GABRB1: variants seen among roughly 807,000 people sequenced by gnomAD.
GABRB1 encodes gamma-aminobutyric acid type A receptor subunit beta1, also known as gamma-aminobutyric acid receptor subunit beta-1.
GABRB1 carries 17 observed loss-of-function variants against 51.6 expected under a neutral mutation model. That is an observed-to-expected ratio of 0.33 (90% CI 0.23 to 0.49). GABRB1 has a LOEUF of 0.49. Ranked by LOEUF, GABRB1 falls within the 20% of genes least tolerant of loss-of-function variation. The probability of loss-of-function intolerance (pLI) is 0.99; values close to 1 mark genes in which losing one functional copy is unlikely to be tolerated. For synonymous variants in GABRB1, 247 were observed against 218.9 expected (o/e 1.13, Z -1.14); for missense variants, 410 against 600.6 (o/e 0.68, Z 3.32).
intron 1 of GABRB1, among the ~76,000 whole-genome samples, chr4:47,008,012 G>A (rs1393344374): frequency 1.3e-5 from 2 of 151,862 alleles, no homozygotes; most frequent in Non-Finnish European, 2.9e-5. Flanking sequence ...AGACAGGCAC[G>A]ACAATTTGCC....
At chr4:47,049,866 G>A (rs979582021) in intron 3 of GABRB1, among the ~76,000 whole-genome samples, 2 of 152,132 alleles carry the variant, frequency 1.3e-5, no homozygotes, top group Non-Finnish European at 2.9e-5. Context: ...CTTCAAAAAC[G>A]CAGAGGTAGG....
At chr4:47,157,392 T>G (rs1560563076) in intron 3 of GABRB1, among the ~76,000 whole-genome samples, 1 of 152,126 alleles carries the variant, frequency 6.6e-6, no homozygotes, top group Non-Finnish European at 1.5e-5. Flanking sequence ...TACAGCAATT[T>G]AGAGGCTTTC....
intron 5 of GABRB1, among the ~76,000 whole-genome samples, chr4:47,360,303 CTG>C (rs932391550): frequency 1.3e-5 from 2 of 151,502 alleles, no homozygotes; most frequent in African/African-American, 4.8e-5. Context: ...TAAGAAATAA[CTG>C]TATTTTTGCC....
chr4:47,008,185 G>A (rs1724468068), intron 1 of GABRB1, among the ~76,000 whole-genome samples: 1 of 152,072 alleles, frequency 6.6e-6, no homozygotes, highest in Non-Finnish European at 1.5e-5. Flanking sequence ...ACATGCTTGA[G>A]TGTTGTCATT....
intron 3 of GABRB1, among the ~76,000 whole-genome samples, chr4:47,055,532 G>C (rs746878272): frequency 6.6e-6 from 1 of 152,086 alleles, no homozygotes; most frequent in Non-Finnish European, 1.5e-5. Context: ...TACATTCCCC[G>C]AACAGAATGA....
rs556267733 is a variant in GABRB1 at position 47,120,723 on chromosome 4, C to A, written c.241-40526C>A. The stretch of plus-strand genomic sequence containing the variant: ...CATGCCAGGGCTAGGTCCTTCCTCT[C>A]AAGGCAGCAGGTTCCCTTCTGACCA... On this transcript the variant is annotated intron_variant, in intron 3 of 8. Coordinates refer to ENST00000295454, the MANE Select transcript of GABRB1 (RefSeq NM_000812.4). Among the ~76,000 whole-genome samples the A allele has an allele frequency of 8.5e-5, 13 of 152,264 alleles. No individual in the cohort carries two copies. In the East Asian group the frequency reaches 2.5e-3, roughly 29 times the overall value.
At chr4:47,318,497 C>T (rs1253520012) in intron 4 of GABRB1, among the ~76,000 whole-genome samples, 2 of 152,000 alleles carry the variant, frequency 1.3e-5, no homozygotes, top group East Asian at 3.8e-4. Flanking sequence ...CCTCACACTT[C>T]CCACTATTAG....
chr4:47,245,891 T>C (rs760163866), intron 4 of GABRB1, among the ~76,000 whole-genome samples: 3 of 151,442 alleles, frequency 2.0e-5, no homozygotes, highest in Non-Finnish European at 4.4e-5. Context: ...GGGAAACTAT[T>C]TTTTCCCTTT....
At chr4:47,376,868 G>A (rs559226110) in intron 5 of GABRB1, among the ~76,000 whole-genome samples, 1 of 152,162 alleles carries the variant, frequency 6.6e-6, no homozygotes, top group Non-Finnish European at 1.5e-5. Context: ...GGATTTATTA[G>A]AATACAAACA....
intron 3 of GABRB1, among the ~76,000 whole-genome samples, chr4:47,133,377 T>G (rs1716506895): frequency 6.6e-6 from 1 of 152,184 alleles, no homozygotes; most frequent in African/African-American, 2.4e-5. Context: ...TCTAAATAAT[T>G]AATAAAGGGT....
intron 5 of GABRB1, among the ~76,000 whole-genome samples, chr4:47,352,310 G>T (rs1411534303): frequency 2.0e-5 from 3 of 152,150 alleles, no homozygotes; most frequent in Non-Finnish European, 2.9e-5. Flanking sequence ...GGACCAGATG[G>T]ATTCACAGCC....
intron 1 of GABRB1, among the ~76,000 whole-genome samples, chr4:47,019,265 T>G (rs563916096): frequency 5.9e-5 from 9 of 152,204 alleles, no homozygotes; most frequent in Non-Finnish European, 1.2e-4. Context: ...CACTTCATTC[T>G]TCTGGTTTTC....
chr4:47,280,821 T>TC (rs1274940386), intron 4 of GABRB1, among the ~76,000 whole-genome samples: 1 of 149,490 alleles, frequency 6.7e-6, no homozygotes, highest in Non-Finnish European at 1.5e-5. Flanking sequence ...CTAATTTTTT[T>TC]TTTTTTTTTT....
intron 4 of GABRB1, among the ~76,000 whole-genome samples, chr4:47,222,196 A>G (rs544221813): frequency 6.6e-6 from 1 of 152,280 alleles, no homozygotes; most frequent in South Asian, 2.1e-4. Flanking sequence ...TGCTCTGCAC[A>G]TGTCAGTGAC....
At chr4:47,393,583 C>T (rs1176568971) in intron 5 of GABRB1, among the ~76,000 whole-genome samples, 1 of 152,112 alleles carries the variant, frequency 6.6e-6, no homozygotes, top group Non-Finnish European at 1.5e-5. Context: ...TTCAACTTTG[C>T]CAAAGTTCAG....
chr4:47,414,858 A>C (rs1307659265), intron 8 of GABRB1, among the ~76,000 whole-genome samples: 1 of 152,182 alleles, frequency 6.6e-6, no homozygotes, highest in Non-Finnish European at 1.5e-5. Flanking sequence ...CTTTAGGTCC[A>C]GCTTGAAACA....
chr4:47,119,933 GA>G (rs1715693315), intron 3 of GABRB1, among the ~76,000 whole-genome samples: 1 of 151,988 alleles, frequency 6.6e-6, no homozygotes, highest in South Asian at 2.1e-4. Flanking sequence ...ATAAGCTTCT[GA>G]AAAGAGGTTT....
At chr4:47,410,313 T>C (rs1046594727) in intron 8 of GABRB1, among the ~76,000 whole-genome samples, 3 of 152,188 alleles carry the variant, frequency 2.0e-5, no homozygotes, top group Non-Finnish European at 4.4e-5. Context: ...AATCCTCCTA[T>C]TGATAGAAAT....
intron 3 of GABRB1, among the ~76,000 whole-genome samples, chr4:47,116,220 T>C (rs1258159908): frequency 6.6e-6 from 1 of 152,194 alleles, no homozygotes; most frequent in Non-Finnish European, 1.5e-5. Context: ...AAGGTTTGAT[T>C]TGTGTTTTTT....
Sources: allele counts gnomAD v4.1 joint callset (sites outside exome capture counted in the v4.1 genomes callset), GRCh38; gene constraint gnomAD v4.1.1; transcripts MANE v1.5; gene names NCBI Gene and HGNC (gene_info 2026-07-23, HGNC 2026-07-21).